PAPOLG: variants seen among roughly 807,000 people sequenced by gnomAD.
PAPOLG encodes poly(A) polymerase gamma, also known as PAP-gamma.
In PAPOLG, 40 loss-of-function variants were observed where a neutral mutation model predicts 99.0. The ratio of observed to expected loss-of-function variants is 0.40; its 90% confidence interval spans 0.31 to 0.53. The LOEUF (loss-of-function observed/expected upper bound fraction) is 0.53, where lower values mean the gene tolerates loss of function less well. Among genes scored for constraint, PAPOLG ranks in the 20% least tolerant of loss-of-function variants. PAPOLG has a pLI of 0.41. For missense variants in PAPOLG, 675 were observed against 884.1 expected (o/e 0.76, Z 3.00); for synonymous variants, 310 against 299.3 (o/e 1.04, Z -0.37).
intron 8 of PAPOLG, among the ~76,000 whole-genome samples, chr2:60,777,002 T>C (rs1671040772): frequency 6.6e-6 from 1 of 152,242 alleles, no homozygotes; most frequent in Admixed American, 6.5e-5. Context: ...TCTTTAAACC[T>C]TATGAACCAA....
At chr2:60,772,397 T>C (rs957440354) in intron 7 of PAPOLG, among the ~76,000 whole-genome samples, 1 of 147,676 alleles carries the variant, frequency 6.8e-6, no homozygotes, top group Non-Finnish European at 1.5e-5. Flanking sequence ...CAGTGAGCCG[T>C]GATTACGCCA....
chr2:60,756,502 G>C lies in PAPOLG; in HGVS notation c.17+7G>C. The C allele has an allele frequency of 1.2e-6, 2 of 1,603,798 alleles. No individual in the cohort carries two copies. The highest frequency in any genetic ancestry group is 1.7e-6 in the Non-Finnish European group (2 of 1,175,752). ...CGATGAAAGAGATGTCTGCGTAAGT[G>C]GTGGGGGGCGGCGGTTGGGGTGAGG... On this transcript the variant is annotated splice_region_variant and intron_variant, in intron 1 of 21. Transcript: ENST00000238714.
At position 60,793,957 on chromosome 2, in the gene PAPOLG, T is replaced by C; in HGVS notation, c.1769-14T>C. 6.3e-7 allele frequency: 1 copy of C among 1,596,152 alleles called. No individual in the cohort carries two copies. The highest frequency in any genetic ancestry group is 8.5e-7 in the Non-Finnish European group (1 of 1,170,130). On this transcript the variant is annotated splice_polypyrimidine_tract_variant and intron_variant, in intron 18 of 21. Coordinates refer to ENST00000238714, the MANE Select transcript of PAPOLG (RefSeq NM_022894.4). The stretch of plus-strand genomic sequence containing the variant: ...TAAATGTTTAATTATTAAAATCCTT[T>C]TTTTCCTTTTCAGAAGTTGACTCTA...
intron 21 of PAPOLG, chr2:60,795,403 A>G (rs1671665869): frequency 2.5e-6 from 1 of 405,664 alleles, no homozygotes; most frequent in Non-Finnish European, 4.8e-6. Flanking sequence ...AACCATATGT[A>G]TTAATATTTT....
In PAPOLG at chr2:60,759,367, C is replaced by CAA. The variant is rs71400294; in HGVS notation, c.18-757_18-756dup. On this transcript the variant is annotated intron_variant, in intron 1 of 21. Coordinates refer to ENST00000238714, the MANE Select transcript of PAPOLG (RefSeq NM_022894.4). ...TGGGAGACAGAGAGAGACTCCATCT[C>CAA]AAAAAAAAAAAGAAAAAAAAGTCTC... Among the ~76,000 whole-genome samples, 18 of 138,466 alleles carry CAA rather than the reference C, an allele frequency of 1.3e-4. 1 individual carries two copies. The highest frequency in any genetic ancestry group is 3.7e-3 in the Middle Eastern group (1 of 270). The allele number at this position is 138,466 out of a possible 152,430, so 90.8% of individuals were successfully genotyped here. A position where few individuals can be genotyped will look rare whatever the true frequency, so the allele number is the denominator to read the frequency against.
chr2:60,794,792 T>A lies in PAPOLG; in HGVS notation c.2055+17T>A. ...AAATCAGTGGTAAATATATTAATAG[T>A]GTGCTTCAGAATATTTATTGTAAAG... On this transcript the variant is annotated intron_variant, in intron 20 of 21. Coordinates refer to ENST00000238714, the MANE Select transcript of PAPOLG (RefSeq NM_022894.4). 1 of 1,578,972 alleles carries A rather than the reference T, an allele frequency of 6.3e-7. No individual in the cohort carries two copies. Among genetic ancestry groups the A allele is most frequent in the Non-Finnish European group, 8.7e-7 (1 of 1,148,690 alleles).
intron 13 of PAPOLG, 24 bp downstream of exon 13, chr2:60,783,233 C>T (rs372707667): frequency 1.4e-6 from 2 of 1,461,338 alleles, no homozygotes; most frequent in African/African-American, 2.8e-5. Context: ...TTCAAGTTTT[C>T]TACCTACTGT....
chr2:60,795,350 G>A (rs1671664724), intron 21 of PAPOLG: 1 of 483,692 alleles, frequency 2.1e-6, no homozygotes, highest in African/African-American at 1.9e-5. Flanking sequence ...TATCTCTGTT[G>A]TGTACTATTG....
At chr2:60,793,544 G>A in intron 17 of PAPOLG, 83 bp from the exon 18 acceptor site, 2 of 1,500,672 alleles carry the variant, frequency 1.3e-6, no homozygotes, top group Admixed American at 3.9e-5. Flanking sequence ...AACTTGGGCA[G>A]TAGAATGAGG....
chr2:60,792,071 AC>A, intron 16 of PAPOLG, 57 bp from the exon 17 acceptor site: 4 of 1,527,796 alleles, frequency 2.6e-6, no homozygotes, highest in Non-Finnish European at 3.5e-6. Context: ...CAGAATTGAA[AC>A]CAGTCTTTAT....
intron 1 of PAPOLG, among the ~76,000 whole-genome samples, chr2:60,757,631 G>T (rs979265142): frequency 1.3e-5 from 2 of 151,050 alleles, no homozygotes; most frequent in African/African-American, 4.9e-5. Context: ...ATTAATTATT[G>T]TATTGTATTC....
Position 60,768,502 on chromosome 2 carries a change from T to A in PAPOLG, c.279T>A (p.Gly93=). 6.2e-7 allele frequency: 1 copy of A among 1,614,028 alleles called. No individual in the cohort carries two copies. Among genetic ancestry groups the A allele is most frequent in the South Asian group, 1.1e-5 (1 of 91,078 alleles). The change falls in exon 4 of 22, where the codon GGT becomes GGA. Residue 93 remains glycine, a synonymous_variant. Coordinates refer to ENST00000238714, the MANE Select transcript of PAPOLG (RefSeq NM_022894.4). The part of the protein sequence containing the change: ...NLPPSVVATV[G]GKIFTFGSYR... The stretch of plus-strand genomic sequence containing the variant: ...CACCTTCTGTTGTGGCTACTGTTGG[T>A]GGTAAAATTTTCACATTTGGATCCT...
At chr2:60,775,318 G>C (rs1022364659) in intron 8 of PAPOLG, among the ~76,000 whole-genome samples, 195 bp downstream of exon 8, 1 of 152,148 alleles carries the variant, frequency 6.6e-6, no homozygotes, top group Non-Finnish European at 1.5e-5. Flanking sequence ...TTCCTCCCTT[G>C]GGTAAAAACT....
At chr2:60,767,689 C>A (rs1187716729) in intron 3 of PAPOLG, among the ~76,000 whole-genome samples, 8 of 152,114 alleles carry the variant, frequency 5.3e-5, no homozygotes, top group African/African-American at 1.9e-4. Flanking sequence ...GGAATGACTC[C>A]GTTCTTACAG....
intron 15 of PAPOLG, 115 bp downstream of exon 15, chr2:60,787,735 A>G (rs1671408327): frequency 1.5e-6 from 2 of 1,333,962 alleles, no homozygotes; most frequent in African/African-American, 1.5e-5. Context: ...TTAAGTGAAC[A>G]TGGCATATCC....
At chr2:60,760,098 A>C (rs1018304378) in intron 1 of PAPOLG, 36 bp from the exon 2 acceptor site, 14 of 1,594,660 alleles carry the variant, frequency 8.8e-6, no homozygotes, top group Non-Finnish European at 1.2e-5. Flanking sequence ...ATATACTTTA[A>C]ATTTTTTGTT....
chr2:60,768,790 T>C lies in PAPOLG; in HGVS notation c.338T>C (p.Ile113Thr). The stretch of plus-strand genomic sequence containing the variant: ...CTACTTTAATTTACAGGAGCTGACA[T>C]TGATGCACTTTGTGTAGCTCCAAGA... ...RLGVHTKGAD[I>T]DALCVAPRHV... The change falls in exon 5 of 22, where the codon ATT (isoleucine) becomes ACT (threonine). Residue 113 changes from isoleucine to threonine, a missense_variant. Coordinates refer to ENST00000238714, the MANE Select transcript of PAPOLG (RefSeq NM_022894.4). 6.4e-7 allele frequency: 1 copy of C among 1,565,516 alleles called. No individual in the cohort carries two copies. Among genetic ancestry groups the C allele is most frequent in the Non-Finnish European group, 8.7e-7 (1 of 1,154,772 alleles).
intron 11 of PAPOLG, 53 bp downstream of exon 11, chr2:60,782,058 C>T (rs554605528): frequency 6.5e-7 from 1 of 1,541,418 alleles, no homozygotes; most frequent in South Asian, 1.1e-5. Context: ...TTTTGGTTAA[C>T]AGTTTTATTC....
intron 15 of PAPOLG, 80 bp downstream of exon 15, chr2:60,787,700 G>A (rs1671407060): frequency 1.3e-6 from 2 of 1,518,376 alleles, no homozygotes; most frequent in South Asian, 2.5e-5. Context: ...CTGGCTGGCT[G>A]TACTTATTAA....
Sources: allele counts gnomAD v4.1 joint callset (sites outside exome capture counted in the v4.1 genomes callset), GRCh38; gene constraint gnomAD v4.1.1; transcripts MANE v1.5; gene names NCBI Gene and HGNC (gene_info 2026-07-23, HGNC 2026-07-21).